KCNB2: variants seen among roughly 807,000 people sequenced by gnomAD.
KCNB2 encodes the protein delayed rectifier potassium channel protein.
A neutral mutation model predicts 61.5 loss-of-function variants in KCNB2; 15 were observed. The observed-to-expected ratio is 0.24, with a 90% CI of 0.16 to 0.38. The LOEUF (loss-of-function observed/expected upper bound fraction) is 0.38. KCNB2 is among the 10% of genes least tolerant of loss of function. KCNB2 has a pLI of 1.00. For synonymous variants in KCNB2, 457 were observed against 446.0 expected (o/e 1.02, Z -0.31); for missense variants, 828 against 1,125.2 (o/e 0.74, Z 3.78).
At chr8:72,828,351 C>G (rs1329236016) in intron 2 of KCNB2, among the ~76,000 whole-genome samples, 1 of 152,094 alleles carries the variant, frequency 6.6e-6, no homozygotes, top group Non-Finnish European at 1.5e-5. Context: ...AGTACTTATA[C>G]ATATTTCCAT....
At chr8:72,859,218 TGGGGAAACATAAGA>T (rs1414946818) in intron 2 of KCNB2, among the ~76,000 whole-genome samples, 1 of 152,084 alleles carries the variant, frequency 6.6e-6, no homozygotes, top group Non-Finnish European at 1.5e-5. Context: ...ATCTCACAGA[TGGGGAAACATAAGA>T]AGGAGTTGAC....
chr8:72,697,574 G>T (rs1394341103), intron 2 of KCNB2, among the ~76,000 whole-genome samples: 1 of 152,094 alleles, frequency 6.6e-6, no homozygotes, highest in Non-Finnish European at 1.5e-5. Context: ...GGAGTTCAAG[G>T]CTGCAGTGAA....
chr8:72,660,900 A>C (rs191006353), intron 2 of KCNB2: 2 of 152,350 alleles, frequency 1.3e-5, no homozygotes, highest in African/African-American at 4.8e-5. Flanking sequence ...CTTCCTTTCT[A>C]ATGCTTTTCC....
At chr8:72,714,967 T>C (rs1176572134) in intron 2 of KCNB2, among the ~76,000 whole-genome samples, 3 of 152,026 alleles carry the variant, frequency 2.0e-5, no homozygotes, top group African/African-American at 7.3e-5. Flanking sequence ...TGGAGGAAGA[T>C]CTACCAAGCA....
intron 2 of KCNB2, among the ~76,000 whole-genome samples, chr8:72,571,224 A>G (rs944005541): frequency 3.3e-5 from 5 of 152,228 alleles, no homozygotes; most frequent in Non-Finnish European, 7.3e-5. Flanking sequence ...CCCATGCTAT[A>G]TGCATCCCCT....
intron 2 of KCNB2, among the ~76,000 whole-genome samples, chr8:72,609,641 G>T (rs566035599): frequency 6.6e-6 from 1 of 151,930 alleles, no homozygotes; most frequent in African/African-American, 2.4e-5. Context: ...ATCAGAATCT[G>T]GTATCAGGCA....
Position 72,840,744 on chromosome 8 carries a change from T to G in KCNB2, c.580-95191T>G, listed in dbSNP as rs144452115. On this transcript the variant is annotated intron_variant, in intron 2 of 2. Coordinates refer to ENST00000523207, the MANE Select transcript of KCNB2 (RefSeq NM_004770.3). ...TCTGTTCATATCCTTTGCGCACTTT[T>G]TGATGGCATTTTTTTTTCTTGTAAA... 2.3e-3 allele frequency among the ~76,000 whole-genome samples: 348 copies of G among 152,322 alleles called. 11 individuals carry two copies. In the East Asian group the frequency reaches 0.063, roughly 28 times the overall value.
chr8:72,867,057 T>C (rs1317865843), intron 2 of KCNB2, among the ~76,000 whole-genome samples: 2 of 152,310 alleles, frequency 1.3e-5, no homozygotes, highest in East Asian at 3.9e-4. Context: ...CCAAACTATA[T>C]CTTGCACTTT....
intron 2 of KCNB2, among the ~76,000 whole-genome samples, chr8:72,644,196 A>T (rs919329101): frequency 5.9e-5 from 9 of 152,048 alleles, no homozygotes; most frequent in Admixed American, 3.9e-4. Flanking sequence ...TTAATTACCC[A>T]TGTGCACTAT....
At chr8:72,599,574 G>A (rs1425815629) in intron 2 of KCNB2, among the ~76,000 whole-genome samples, 2 of 152,112 alleles carry the variant, frequency 1.3e-5, no homozygotes, top group African/African-American at 4.8e-5. Flanking sequence ...AAAAGCAATG[G>A]CAACAAAAGC....
intron 2 of KCNB2, among the ~76,000 whole-genome samples, chr8:72,886,770 C>T (rs1017860537): frequency 1.5e-4 from 23 of 152,262 alleles, no homozygotes; most frequent in Non-Finnish European, 4.4e-5. Flanking sequence ...TTAAACAGAT[C>T]ATCAGCTTCT....
intron 2 of KCNB2, among the ~76,000 whole-genome samples, chr8:72,814,411 G>A (rs1476584508): frequency 2.0e-5 from 3 of 152,108 alleles, no homozygotes; most frequent in Admixed American, 6.6e-5. Flanking sequence ...TTACAGGTAC[G>A]ACCAGTTTTC....
Position 72,937,048 on chromosome 8 carries a change from G to A in KCNB2, c.1693G>A (p.Glu565Lys), listed in dbSNP as rs1160149602. ...HPNPDCQEKPERPSAYEEEIE... is the reference protein window; with the variant it reads ...HPNPDCQEKPKRPSAYEEEIE... The stretch of plus-strand genomic sequence containing the variant: ...AAACCCAGACTGCCAAGAAAAGCCT[G>A]AGAGGCCATCTGCATATGAAGAAGA... The change falls in exon 3 of 3, where the codon GAG becomes AAG. Residue 565 changes from glutamate (E) to lysine (K), a missense_variant. Around this residue, in one of 4 missense-constraint regions of KCNB2, gnomAD observed 559 missense variants for 588.4 expected, o/e 0.95. Coordinates refer to ENST00000523207, the MANE Select transcript of KCNB2 (RefSeq NM_004770.3). The A allele has an allele frequency of 3.7e-6, 6 of 1,614,118 alleles. No individual in the cohort carries two copies. Among genetic ancestry groups the A allele is most frequent in the Non-Finnish European group, 4.2e-6 (5 of 1,180,008 alleles).
intron 2 of KCNB2, among the ~76,000 whole-genome samples, chr8:72,932,362 C>T (rs1465018741): frequency 1.3e-5 from 2 of 152,172 alleles, no homozygotes; most frequent in Admixed American, 6.5e-5. Context: ...TCCTGAAGAC[C>T]TTCCTCTGGA....
intron 1 of KCNB2, among the ~76,000 whole-genome samples, chr8:72,567,192 G>A (rs898770239): frequency 2.6e-5 from 4 of 151,996 alleles, no homozygotes; most frequent in Admixed American, 6.6e-5. Context: ...GTGGTGGCAC[G>A]TCCCAGGTAC....
At position 72,553,105 on chromosome 8, in the gene KCNB2, T is replaced by A. The variant is rs1806371087; in HGVS notation, c.-93-14537T>A. Among the ~76,000 whole-genome samples the A allele has an allele frequency of 1.3e-5, 2 of 152,150 alleles. 1 individual carries two copies. The highest frequency in any genetic ancestry group is 4.1e-4 in the South Asian group (2 of 4,830). On this transcript the variant is annotated intron_variant, in intron 1 of 2. Transcript: ENST00000523207. ...CACACAGACCAAAATACAGTTCAAA[T>A]CATTAGCAACAACAACAAAATCTCA...
intron 2 of KCNB2, among the ~76,000 whole-genome samples, chr8:72,580,779 A>G (rs1318919422): frequency 6.6e-6 from 1 of 152,164 alleles, no homozygotes; most frequent in Non-Finnish European, 1.5e-5. Flanking sequence ...GACCTTGATC[A>G]TCTCATGCTT....
intron 2 of KCNB2, among the ~76,000 whole-genome samples, chr8:72,579,154 T>C (rs970244129): frequency 6.6e-6 from 1 of 152,162 alleles, no homozygotes; most frequent in African/African-American, 2.4e-5. Context: ...TTAGCTCCTT[T>C]CCCACTGCCT....
At chr8:72,561,727 A>ATGTTTG (rs1189336093) in intron 1 of KCNB2, among the ~76,000 whole-genome samples, 1 of 35,280 alleles carries the variant, frequency 2.8e-5, no homozygotes, top group Non-Finnish European at 6.3e-5. Context: ...ATATATATAT[A>ATGTTTG]TCTATATCTA....
Sources: allele counts gnomAD v4.1 joint callset (sites outside exome capture counted in the v4.1 genomes callset), GRCh38; gene constraint gnomAD v4.1.1; regional missense constraint gnomAD v4.1.1; transcripts MANE v1.5; gene names NCBI Gene and HGNC (gene_info 2026-07-23, HGNC 2026-07-21).